Variants in SUCLG2 observed in about 807,000 individuals in gnomAD.
SUCLG2 encodes the protein succinate-CoA ligase GDP-forming subunit beta.
SUCLG2 carries 42 observed loss-of-function variants against 47.9 expected under a neutral mutation model. The observed-to-expected ratio is 0.88, with a 90% CI of 0.69 to 1.14. The LOEUF is 1.14. SUCLG2 is among the 50% of genes most tolerant of loss of function. The pLI is 0.00. For missense variants in SUCLG2, 571 were observed against 525.9 expected (o/e 1.09, Z -0.84); for synonymous variants, 195 against 197.3 (o/e 0.99, Z 0.10).
intron 2 of SUCLG2, among the ~76,000 whole-genome samples, chr3:67,595,418 C>G (rs927345096): frequency 1.3e-5 from 2 of 152,128 alleles, no homozygotes; most frequent in Admixed American, 6.5e-5. Context: ...AGGGAAGACA[C>G]AGAACGTCAG....
In SUCLG2 at chr3:67,495,932, C is replaced by G; in HGVS notation, c.928G>C (p.Ala310Pro). The change falls in exon 9 of 11, where the codon GCT becomes CCT. Residue 310 changes from alanine to proline, a missense_variant. By Grantham distance (27) the Ala-to-Pro change is conservative. Transcript: ENST00000307227. ...TCACAAGTAGCCATGGCGAGCCCAG[C>G]ACCATTCACTGTGAAATGCAAATGG... ...DGNIACFVNG[A>P]GLAMATCDII... The G allele has an allele frequency of 6.2e-7, 1 of 1,613,952 alleles. No individual in the cohort carries two copies. The highest frequency in any genetic ancestry group is 1.1e-5 in the South Asian group (1 of 91,074).
chr3:67,623,228 T>C (rs565045492), intron 1 of SUCLG2, among the ~76,000 whole-genome samples: 2 of 152,258 alleles, frequency 1.3e-5, no homozygotes, highest in South Asian at 4.1e-4. Context: ...CGGCTGGGCG[T>C]GGTGGCTCAC....
chr3:67,362,321 G>A (rs896578460), intron 10 of SUCLG2, among the ~76,000 whole-genome samples: 1 of 152,090 alleles, frequency 6.6e-6, no homozygotes, highest in Non-Finnish European at 1.5e-5. Flanking sequence ...GGCCCCTTAC[G>A]TTGGCCAGCT....
intron 9 of SUCLG2, among the ~76,000 whole-genome samples, chr3:67,420,249 T>A (rs904096802): frequency 6.6e-6 from 1 of 152,210 alleles, no homozygotes; most frequent in South Asian, 2.1e-4. Flanking sequence ...AGGTATCTCA[T>A]CTACAAAATA....
At position 67,495,819 on chromosome 3, in the gene SUCLG2, T is replaced by C. The variant is rs1575734776; in HGVS notation, c.1041A>G (p.Lys347=). The C allele has an allele frequency of 6.2e-7, 1 of 1,613,936 alleles. No individual in the cohort carries two copies. Among genetic ancestry groups the C allele is most frequent in the Non-Finnish European group, 8.5e-7 (1 of 1,179,968 alleles). ...VKEAQVYQAF[K]LLTADPKVEA... is the part of the protein sequence containing the mutation. ...TTACCTTAGGATCAGCTGTGAGCAA[T>C]TTGAATGCTTGATATACTTGAGCTT... Residue 347 remains lysine, a synonymous_variant, in exon 9 of 11, where the codon AAA becomes AAG. Coordinates refer to ENST00000307227, the MANE Select transcript of SUCLG2 (RefSeq NM_003848.4).
At chr3:67,548,236 G>C (rs1305437154) in intron 2 of SUCLG2, among the ~76,000 whole-genome samples, 2 of 152,188 alleles carry the variant, frequency 1.3e-5, no homozygotes, top group African/African-American at 4.8e-5. Context: ...GAGAGACTGT[G>C]CTTTAACTTC....
At chr3:67,506,616 C>T (rs1303612112) in intron 7 of SUCLG2, among the ~76,000 whole-genome samples, 1 of 152,194 alleles carries the variant, frequency 6.6e-6, no homozygotes, top group East Asian at 1.9e-4. Context: ...CTCGTGACTG[C>T]TTCCCAAAGG....
intron 4 of SUCLG2, among the ~76,000 whole-genome samples, chr3:67,524,213 A>G (rs1210206956): frequency 6.6e-6 from 1 of 152,236 alleles, no homozygotes; most frequent in Non-Finnish European, 1.5e-5. Context: ...AAACATTTCA[A>G]AAGAGCTTCA....
At position 67,495,791 on chromosome 3, in the gene SUCLG2, A is replaced by T. The variant is rs1223683469; in HGVS notation, c.1062+7T>A. The T allele has an allele frequency of 6.2e-7, 1 of 1,613,358 alleles. No homozygotes were observed. Among genetic ancestry groups the T allele is most frequent in the Non-Finnish European group, 8.5e-7 (1 of 1,179,918 alleles). On this transcript the variant is annotated splice_region_variant and intron_variant, in intron 9 of 10. Coordinates refer to ENST00000307227, the MANE Select transcript of SUCLG2 (RefSeq NM_003848.4). Reference sequence around the variant, plus strand: ...GCATATAATCTCCCTACAAAGAGAAAGGTTACCTTAGGATCAGCTGTGAGC... The same window carrying T: ...GCATATAATCTCCCTACAAAGAGAATGGTTACCTTAGGATCAGCTGTGAGC...
chr3:67,604,590 T>C (rs1226893439), intron 2 of SUCLG2, among the ~76,000 whole-genome samples: 1 of 152,148 alleles, frequency 6.6e-6, no homozygotes, highest in African/African-American at 2.4e-5. Flanking sequence ...CAACTGAATA[T>C]AGTAGACATG....
intron 2 of SUCLG2, among the ~76,000 whole-genome samples, chr3:67,589,211 C>G (rs1253941751): frequency 6.6e-6 from 1 of 152,210 alleles, no homozygotes; most frequent in Non-Finnish European, 1.5e-5. Flanking sequence ...CTTCTCCGAC[C>G]CTTGGTCCCA....
chr3:67,494,626 T>TA lies in SUCLG2; in HGVS notation c.1062+1171dup, dbSNP rs201892794. On this transcript the variant is annotated intron_variant, in intron 9 of 10. Transcript: ENST00000307227. ...GGGTGACAGAACGAGACCCTGTCTC[T>TA]AAAAAAAAATAATCAAAAAATTAAA... Among the ~76,000 whole-genome samples the TA allele has an allele frequency of 4.6e-3, 691 of 150,778 alleles. 13 individuals are homozygous for TA. The East Asian group carries it at 0.06, about 13-fold the overall frequency.
chr3:67,365,460 G>A (rs1701861921), intron 10 of SUCLG2, among the ~76,000 whole-genome samples: 1 of 152,224 alleles, frequency 6.6e-6, no homozygotes, highest in South Asian at 2.1e-4. Flanking sequence ...GTGTTAGACA[G>A]TGTCTAGCCA....
chr3:67,411,314 T>C (rs899533554), intron 9 of SUCLG2, among the ~76,000 whole-genome samples: 1 of 152,130 alleles, frequency 6.6e-6, no homozygotes, highest in African/African-American at 2.4e-5. Flanking sequence ...AAGACAAATT[T>C]AGTTAATGGC....
At chr3:67,428,201 C>G (rs1409879308) in intron 9 of SUCLG2, among the ~76,000 whole-genome samples, 1 of 152,174 alleles carries the variant, frequency 6.6e-6, no homozygotes. Flanking sequence ...CCAGTAGGGG[C>G]CGACTGACAC....
At chr3:67,480,557 A>G (rs1575725219) in intron 9 of SUCLG2, among the ~76,000 whole-genome samples, 1 of 152,138 alleles carries the variant, frequency 6.6e-6, no homozygotes, top group African/African-American at 2.4e-5. Context: ...GCATGGCAGG[A>G]GCTTTGCTCC....
intron 9 of SUCLG2, among the ~76,000 whole-genome samples, chr3:67,459,420 T>A (rs558106149): frequency 7.1e-4 from 108 of 152,242 alleles, no homozygotes; most frequent in Non-Finnish European, 1.2e-3. Context: ...CTAAAACTAT[T>A]CCATCTTCAA....
intron 10 of SUCLG2, among the ~76,000 whole-genome samples, chr3:67,397,522 A>G (rs1488684300): frequency 6.6e-6 from 1 of 152,246 alleles, no homozygotes; most frequent in African/African-American, 2.4e-5. Flanking sequence ...ATAAAAGATG[A>G]TATAAACAAA....
At chr3:67,434,693 A>T (rs1218275388) in intron 9 of SUCLG2, among the ~76,000 whole-genome samples, 1 of 152,238 alleles carries the variant, frequency 6.6e-6, no homozygotes, top group African/African-American at 2.4e-5. Flanking sequence ...GATGGCAGTC[A>T]AATCTGAATA....
Sources: allele counts gnomAD v4.1 joint callset (sites outside exome capture counted in the v4.1 genomes callset), GRCh38; gene constraint gnomAD v4.1.1; transcripts MANE v1.5; gene names NCBI Gene and HGNC (gene_info 2026-07-23, HGNC 2026-07-21).